The following NPAS3 variants were observed in gnomAD, a reference collection of about 807,000 sequenced individuals.
NPAS3 encodes the protein neuronal PAS domain protein 3, also known as neuronal PAS domain-containing protein 3.
NPAS3 carries 14 observed loss-of-function variants against 73.1 expected under a neutral mutation model. The observed-to-expected ratio is 0.19, with a 90% CI of 0.13 to 0.30. The LOEUF is 0.30. Among genes scored for constraint, NPAS3 ranks in the 10% least tolerant of loss-of-function variants. The pLI is 1.00. For missense variants in NPAS3, 1,096 were observed against 1,250.0 expected (o/e 0.88, Z 1.86); for synonymous variants, 620 against 541.5 (o/e 1.14, Z -2.01).
At chr14:33,465,478 T>C (rs1029215217) in intron 4 of NPAS3, among the ~76,000 whole-genome samples, 1 of 152,170 alleles carries the variant, frequency 6.6e-6, no homozygotes, top group Non-Finnish European at 1.5e-5. Context: ...TCAAGCATGA[T>C]GTTTAGTGTT....
chr14:33,445,565 A>C (rs1438138615), intron 4 of NPAS3, among the ~76,000 whole-genome samples: 2 of 152,236 alleles, frequency 1.3e-5, no homozygotes, highest in Non-Finnish European at 2.9e-5. Context: ...CCAATAACAA[A>C]AAATATGTTG....
chr14:33,569,988 A>G (rs767815523), intron 5 of NPAS3, among the ~76,000 whole-genome samples: 4 of 152,152 alleles, frequency 2.6e-5, no homozygotes, highest in Non-Finnish European at 5.9e-5. Flanking sequence ...CTGCCAGATG[A>G]CTAAGTAAGA....
chr14:33,562,899 G>GCACACACACACACACACACA (rs56063953), intron 5 of NPAS3, among the ~76,000 whole-genome samples: 259 of 149,820 alleles, frequency 1.7e-3, no homozygotes, highest in Middle Eastern at 6.8e-3. Context: ...TCTTTTATGA[G>GCACACACACACACACACACA]CACACACACA....
At chr14:33,023,182 C>T (rs546655289) in intron 1 of NPAS3, among the ~76,000 whole-genome samples, 33 of 152,290 alleles carry the variant, frequency 2.2e-4, no homozygotes, top group African/African-American at 7.9e-4. Context: ...GTTATGATCA[C>T]ATTTCACATC....
chr14:33,617,848 C>G (rs1252965211), intron 5 of NPAS3, among the ~76,000 whole-genome samples: 1 of 152,106 alleles, frequency 6.6e-6, no homozygotes, highest in Non-Finnish European at 1.5e-5. Context: ...AGAGAGGTCT[C>G]TAAGAGTCTT....
intron 2 of NPAS3, among the ~76,000 whole-genome samples, chr14:33,183,165 C>A (rs2045855246): frequency 6.6e-6 from 1 of 152,118 alleles, no homozygotes; most frequent in African/African-American, 2.4e-5. Flanking sequence ...GTGGCTCATG[C>A]CTGTAATCCC....
intron 4 of NPAS3, among the ~76,000 whole-genome samples, chr14:33,546,481 A>G (rs1474600505): frequency 2.0e-5 from 3 of 152,146 alleles, no homozygotes; most frequent in Non-Finnish European, 2.9e-5. Context: ...TACATCTACC[A>G]TTTCCTTGTG....
At chr14:33,781,914 C>T (rs970168055) in intron 9 of NPAS3, among the ~76,000 whole-genome samples, 2 of 152,208 alleles carry the variant, frequency 1.3e-5, no homozygotes, top group African/African-American at 4.8e-5. Flanking sequence ...AGGATTACAA[C>T]TCTGATAAAT....
At chr14:32,936,930 C>CTTTTT (rs35877969), upstream of NPAS3, among the ~76,000 whole-genome samples, 12 of 139,782 alleles carry the variant, frequency 8.6e-5, no homozygotes, top group African/African-American at 2.9e-4. Flanking sequence ...AAGACTAAGG[C>CTTTTT]TTTTTTTTTT....
chr14:33,162,606 T>C (rs1452849907), intron 2 of NPAS3, among the ~76,000 whole-genome samples: 2 of 152,156 alleles, frequency 1.3e-5, no homozygotes, highest in African/African-American at 4.8e-5. Flanking sequence ...GACTGTCCAA[T>C]GACTGTAATT....
At chr14:33,124,692 C>CAGGAGAGGA (rs563353595) in intron 2 of NPAS3, among the ~76,000 whole-genome samples, 15 of 152,008 alleles carry the variant, frequency 9.9e-5, no homozygotes, top group Admixed American at 5.2e-4. Context: ...AACCTTAACT[C>CAGGAGAGGA]AGGAGAGGAA....
intron 1 of NPAS3, among the ~76,000 whole-genome samples, chr14:32,947,797 AT>A (rs966225221): frequency 3.0e-4 from 45 of 150,274 alleles, no homozygotes; most frequent in Admixed American, 1.3e-3. Context: ...TAGGCTCATC[AT>A]TTTTTTTTGC....
At chr14:33,071,248 G>A (rs927764187) in intron 2 of NPAS3, among the ~76,000 whole-genome samples, 1 of 152,088 alleles carries the variant, frequency 6.6e-6, no homozygotes, top group African/African-American at 2.4e-5. Flanking sequence ...CTTGTTAAAA[G>A]GCATAAATGA....
chr14:32,957,597 C>G (rs189206112), intron 1 of NPAS3, among the ~76,000 whole-genome samples: 1 of 152,056 alleles, frequency 6.6e-6, no homozygotes, highest in African/African-American at 2.4e-5. Flanking sequence ...TGGTCTTGAT[C>G]TCCTGACCTG....
At chr14:33,606,524 C>T (rs1041817478) in intron 5 of NPAS3, among the ~76,000 whole-genome samples, 1 of 151,512 alleles carries the variant, frequency 6.6e-6, no homozygotes, top group Non-Finnish European at 1.5e-5. Context: ...TGTGCTGGAA[C>T]AATGGGATAT....
chr14:33,085,608 G>GC (rs1016020481), intron 2 of NPAS3, among the ~76,000 whole-genome samples: 2 of 152,068 alleles, frequency 1.3e-5, no homozygotes, highest in African/African-American at 2.4e-5. Flanking sequence ...TGCAAGCTGA[G>GC]CCCCCCCAAC....
chr14:32,998,496 TC>T (rs1220704253), intron 1 of NPAS3, among the ~76,000 whole-genome samples: 6 of 152,188 alleles, frequency 3.9e-5, no homozygotes, highest in African/African-American at 1.4e-4. Flanking sequence ...ACTGAATTGT[TC>T]ACTTTAAAAT....
At chr14:32,949,971 A>C (rs2036417250) in intron 1 of NPAS3, among the ~76,000 whole-genome samples, 1 of 152,148 alleles carries the variant, frequency 6.6e-6, no homozygotes, top group East Asian at 1.9e-4. Context: ...TTTATTATAC[A>C]CCAAAGTATA....
intron 1 of NPAS3, among the ~76,000 whole-genome samples, chr14:33,045,701 T>G (rs1318400658): frequency 6.6e-6 from 1 of 152,154 alleles, no homozygotes; most frequent in Non-Finnish European, 1.5e-5. Context: ...CTAATTTGAG[T>G]TGATGGTATT....
Sources: gnomAD v4.1 joint callset for allele counts (sites outside exome capture counted in the v4.1 genomes callset) on GRCh38, gnomAD v4.1.1 for gene constraint, MANE v1.5 for transcripts, NCBI Gene and HGNC (gene_info 2026-07-23, HGNC 2026-07-21) for gene names.